The following GTSF1 variants were observed in gnomAD, a reference collection of about 807,000 sequenced individuals.
The protein encoded by GTSF1 is gametocyte specific factor 1.
GTSF1 carries 11 observed loss-of-function variants against 28.9 expected under a neutral mutation model. The observed-to-expected ratio is 0.38, with a 90% confidence interval of 0.24 to 0.63. The LOEUF is 0.63. Among genes scored for constraint, GTSF1 ranks in the 30% least tolerant of loss-of-function variants. The pLI is 0.56. For synonymous variants in GTSF1, 69 were observed against 65.6 expected, an observed-to-expected ratio of 1.05 and a Z score of -0.25; for missense variants, 146 against 201.0, an observed-to-expected ratio of 0.73 and a Z score of 1.66.
rs571971405 is a variant in GTSF1 at position 54,459,285 on chromosome 12, T to C, written c.488-160A>G. The C allele has an allele frequency of 9.6e-4, 1,383 of 1,438,818 alleles. 2 individuals carry two copies. The highest frequency in any genetic ancestry group is 1.1e-3 in the Non-Finnish European group (1,239 of 1,096,832). The allele number at this position is 1,438,818 out of a possible 1,614,324, so 89.1% of individuals were successfully genotyped here. A position where few individuals can be genotyped will look rare whatever the true frequency, so the allele number is the denominator to read the frequency against. ...AGTAATCAGATTTCATTCAAGAGCA[T>C]GGGAAAAGAAAATAGACCTTTACCT... is the stretch of plus-strand genomic sequence containing the variant. On this transcript the variant is annotated intron_variant, in intron 7 of 8. Transcript: ENST00000305879.
chr12:54,463,192 T>A lies in GTSF1; in HGVS notation c.223A>T (p.Ser75Cys). ...TTACCAACATCTTGCTCAATACAACTTCTGTCATCACAGCTTGAGATATGA... is the reference window on the plus strand; with the variant it reads ...TTACCAACATCTTGCTCAATACAACATCTGTCATCACAGCTTGAGATATGA... ...SHHISSCDDRSCIEQDVVNQT... is the reference protein window; with the variant it reads ...SHHISSCDDRCCIEQDVVNQT... Residue 75 changes from serine to cysteine, a missense_variant, in exon 4 of 9, where the codon AGT (serine) becomes TGT (cysteine). Transcript: ENST00000305879. The A allele has an allele frequency of 6.2e-7, 1 of 1,613,944 alleles. No individual in the cohort carries two copies. Among genetic ancestry groups the A allele is most frequent in the Non-Finnish European group, 8.5e-7 (1 of 1,179,844 alleles).
At position 54,463,316 on chromosome 12, in the gene GTSF1, G is replaced by C; in HGVS notation, c.118-19C>G. 1 of 1,613,080 alleles carries C rather than the reference G, an allele frequency of 6.2e-7. No individual in the cohort carries two copies. The highest frequency in any genetic ancestry group is 8.5e-7 in the Non-Finnish European group (1 of 1,179,422). On this transcript the variant is annotated intron_variant, in intron 3 of 8. Transcript: ENST00000305879. ...GATGATTCTGTGGAACCAAAATTAAGGGATCTGTCAGTTCTCTGGATCTAC... is the reference window on the plus strand; with the variant it reads ...GATGATTCTGTGGAACCAAAATTAACGGATCTGTCAGTTCTCTGGATCTAC...
intron 1 of GTSF1, among the ~76,000 whole-genome samples, chr12:54,472,798 A>G (rs1956607925): frequency 6.6e-6 from 1 of 152,224 alleles, no homozygotes; most frequent in Non-Finnish European, 1.5e-5. Context: ...AATGACAATC[A>G]TTAGTGAATT....
intron 8 of GTSF1, among the ~76,000 whole-genome samples, chr12:54,456,559 T>C (rs1411717919): frequency 6.6e-6 from 1 of 152,208 alleles, no homozygotes; most frequent in East Asian, 1.9e-4. Flanking sequence ...GGGACAAGAA[T>C]TGGTATGATA....
At chr12:54,468,170 C>T (rs1956547620) in intron 2 of GTSF1, among the ~76,000 whole-genome samples, 1 of 152,130 alleles carries the variant, frequency 6.6e-6, no homozygotes, top group African/African-American at 2.4e-5. Context: ...CTCTGTTGCC[C>T]AGGCTGGACA....
chr12:54,458,226 T>C (rs920913093), intron 8 of GTSF1, among the ~76,000 whole-genome samples: 2 of 152,178 alleles, frequency 1.3e-5, no homozygotes, highest in Admixed American at 6.5e-5. Flanking sequence ...CACAGGCACA[T>C]AGGGTAACCT....
intron 1 of GTSF1, 138 bp from the exon 2 acceptor site, chr12:54,471,415 A>C (rs1192741929): frequency 6.1e-6 from 3 of 495,784 alleles, no homozygotes; most frequent in East Asian, 6.6e-5. Context: ...ACTCCCCCCA[A>C]TATTTTCTTC....
At chr12:54,469,756 A>C (rs1956571555) in intron 2 of GTSF1, among the ~76,000 whole-genome samples, 1 of 150,526 alleles carries the variant, frequency 6.6e-6, no homozygotes, top group Admixed American at 6.6e-5. Context: ...TGGTGTGATC[A>C]TAGCTCACTG....
chr12:54,468,167 G>T (rs1956547546), intron 2 of GTSF1, among the ~76,000 whole-genome samples: 1 of 152,146 alleles, frequency 6.6e-6, no homozygotes, highest in African/African-American at 2.4e-5. Context: ...TTGCTCTGTT[G>T]CCCAGGCTGG....
chr12:54,462,473 C>T (rs1284250916), intron 5 of GTSF1, among the ~76,000 whole-genome samples, 169 bp downstream of exon 5: 1 of 152,174 alleles, frequency 6.6e-6, no homozygotes, highest in East Asian at 1.9e-4. Context: ...ATTGGCTGTT[C>T]CACGTGTCTG....
intron 3 of GTSF1, chr12:54,464,647 A>T (rs1277973286): frequency 1.3e-5 from 2 of 152,522 alleles, no homozygotes; most frequent in East Asian, 3.8e-4. Context: ...TTTAGGAATA[A>T]TTTTTCTTGG....
At chr12:54,471,876 C>T (rs1477982244) in intron 1 of GTSF1, 1 of 153,672 alleles carries the variant, frequency 6.5e-6, no homozygotes, top group Middle Eastern at 3.3e-3. Flanking sequence ...ACAACCCCCC[C>T]CCAAAAACAA....
At position 54,467,329 on chromosome 12, in the gene GTSF1, T is replaced by G. The variant is rs1026589131; in HGVS notation, c.17-2162A>C. 2.0e-4 allele frequency among the ~76,000 whole-genome samples: 31 copies of G among 152,006 alleles called. 1 individual carries two copies. Among genetic ancestry groups the G allele is most frequent in the Non-Finnish European group, 3.4e-4 (23 of 67,982 alleles). On this transcript the variant is annotated intron_variant, in intron 2 of 8. Transcript: ENST00000305879. ...GTGTTTTTTTTGTTTTTTGTTTTTT[T>G]TTTTTGAGACGGAGTCTCACTGTTA... is the stretch of plus-strand genomic sequence containing the variant.
rs1312548845 is a variant in GTSF1, at chr12:54,465,132, G to A, written c.52C>T (p.Pro18Ser). 1 of 1,613,488 alleles carries A rather than the reference G, an allele frequency of 6.2e-7. No homozygotes were observed. ...CTGATTTGATGGTTTTTGTCATAGG[G>A]GCATTGCAATAGCTTCTCAGGGTCC... The part of the protein sequence containing the change: ...SLDPEKLLQC[P>S]YDKNHQIRAC... Residue 18 changes from proline to serine, a missense_variant, in exon 3 of 9, where the codon CCC becomes TCC. Physicochemically the swap from Pro to Ser is moderately conservative, Grantham distance 74 (BLOSUM62 -1). Coordinates refer to ENST00000305879, the MANE Select transcript of GTSF1 (RefSeq NM_144594.3).
In GTSF1 at chr12:54,467,371, G is replaced by C. The variant is rs970118403; in HGVS notation, c.17-2204C>G. Among the ~76,000 whole-genome samples the C allele has an allele frequency of 7.3e-5, 11 of 151,342 alleles. No homozygotes were observed. The East Asian group carries it at 2.2e-3, about 30-fold the overall frequency. On this transcript the variant is annotated intron_variant, in intron 2 of 8. Transcript: ENST00000305879. ...TCACTGTTATCCAGGCTGGAGTGCA[G>C]TTGCACGATCTTGGCTCACTGCAAC...
At chr12:54,460,574 A>C (rs1412417502) in intron 6 of GTSF1, 103 bp from the exon 7 acceptor site, 4 of 713,620 alleles carry the variant, frequency 5.6e-6, no homozygotes, top group Non-Finnish European at 9.8e-6. Flanking sequence ...GAAAAACAAC[A>C]ACCTACATTC....
At position 54,465,047 on chromosome 12, in the gene GTSF1, A is replaced by G. The variant is rs566725555; in HGVS notation, c.117+20T>C. The G allele has an allele frequency of 2.1e-5, 32 of 1,542,448 alleles. No homozygotes were observed. In the African/African-American group the frequency reaches 4.2e-4, roughly 20 times the overall value. On this transcript the variant is annotated intron_variant, in intron 3 of 8. Coordinates refer to ENST00000305879, the MANE Select transcript of GTSF1 (RefSeq NM_144594.3). ...TTAAAAGAACTCAGGAGGGTGTTAG[A>G]GGGCAAATTATGACCCTACCTTTCT...
rs1956378104 is a variant in GTSF1 at position 54,459,054 on chromosome 12, C to CT, written c.*20+34dup. On this transcript the variant is annotated intron_variant, in intron 8 of 8. Transcript: ENST00000305879. ...ATGTCCAGTTAAATCTTGCTACCAT[C>CT]TGAAGAGACAGTGAAATAAAACTGA... 13 of 1,486,866 alleles carry CT rather than the reference C, an allele frequency of 8.7e-6. No individual in the cohort carries two copies. In the South Asian group the frequency reaches 1.2e-4, roughly 14 times the overall value. The allele number at this position is 1,486,866 out of a possible 1,614,324, so 92.1% of individuals were successfully genotyped here.
chr12:54,469,213 G>A (rs1381477658), intron 2 of GTSF1, among the ~76,000 whole-genome samples: 1 of 151,984 alleles, frequency 6.6e-6, no homozygotes, highest in Non-Finnish European at 1.5e-5. Flanking sequence ...CGAGTAGCTG[G>A]GACTACAGGT....
Sources: gnomAD v4.1 joint callset for allele counts (sites outside exome capture counted in the v4.1 genomes callset) on GRCh38, gnomAD v4.1.1 for gene constraint, MANE v1.5 for transcripts, NCBI Gene and HGNC (gene_info 2026-07-23, HGNC 2026-07-21) for gene names.